The following MCM8 variants were observed in gnomAD, a reference collection of about 807,000 sequenced individuals.
The protein encoded by MCM8 is minichromosome maintenance 8 homologous recombination repair factor.
In MCM8, 85 loss-of-function variants were observed where a neutral mutation model predicts 98.9. The ratio of observed to expected loss-of-function variants is 0.86; its 90% CI spans 0.72 to 1.03. The LOEUF is 1.03. Among genes scored for constraint, MCM8 ranks in the 50% least tolerant of loss-of-function variants. The pLI, the probability that MCM8 is intolerant of heterozygous loss-of-function variation, is 0.00. For missense variants in MCM8, 951 were observed against 997.8 expected (o/e 0.95, Z 0.63); for synonymous variants, 352 against 338.6 (o/e 1.04, Z -0.44).
At chr20:5,985,027 GT>G in intron 15 of MCM8, 27 bp downstream of exon 15, 1 of 1,578,682 alleles carries the variant, frequency 6.3e-7, no homozygotes, top group Non-Finnish European at 8.7e-7. Flanking sequence ...TCCTTATTCA[GT>G]TTGGTTCTGT....
chr20:5,983,141 CCAAAA>C lies in MCM8; in HGVS notation c.1712_1716del (p.Lys571SerfsTer3), dbSNP rs1568593903. 1 of 1,612,024 alleles carries C rather than the reference CCAAAA, an allele frequency of 6.2e-7. No individual in the cohort carries two copies. The highest frequency in any genetic ancestry group is 1.1e-5 in the South Asian group (1 of 90,454). On this transcript the variant is annotated frameshift_variant, in exon 14 of 19. Coordinates refer to ENST00000610722, the MANE Select transcript of MCM8 (RefSeq NM_032485.6). LOFTEE classifies it high-confidence loss of function. Reference sequence around the variant, plus strand: ...CCAGTTGGAGGACATTACAATAAAGCCAAAACAGTTTCTGAGAATTTAAAGTAAGT... The same window carrying C: ...CCAGTTGGAGGACATTACAATAAAGCCAGTTTCTGAGAATTTAAAGTAAGT...
intron 6 of MCM8, among the ~76,000 whole-genome samples, 196 bp downstream of exon 6, chr20:5,957,425 G>A (rs2089016374): frequency 6.6e-6 from 1 of 152,162 alleles, no homozygotes; most frequent in Admixed American, 6.5e-5. Flanking sequence ...TCCTAAATAA[G>A]GAAGAAAATG....
chr20:5,963,021 G>A (rs1295605166), intron 7 of MCM8, among the ~76,000 whole-genome samples: 1 of 152,176 alleles, frequency 6.6e-6, no homozygotes, highest in African/African-American at 2.4e-5. Flanking sequence ...GGCAAGCAAA[G>A]CACCTTGCAT....
Position 5,958,728 on chromosome 20 carries a change from T to G in MCM8, c.789+2T>G. 2.5e-6 allele frequency: 4 copies of G among 1,613,232 alleles called. No homozygotes were observed. Among genetic ancestry groups the G allele is most frequent in the Non-Finnish European group, 3.4e-6 (4 of 1,179,482 alleles). On this transcript the variant is annotated splice_donor_variant, in intron 7 of 18. Coordinates refer to ENST00000610722, the MANE Select transcript of MCM8 (RefSeq NM_032485.6). LOFTEE classifies it high-confidence loss of function. ...GGAAAATACAGTCTTCCCACAAAGG[T>G]AATACGTTCTTTAACTGCTTCTTTA...
Position 5,996,324 on chromosome 20 carries a change from T to C in MCM8, c.*1933T>C, listed in dbSNP as rs547410812. ...AAAGTAGATAGTAGTATAAATATAGTGAAGTCTTTAAAAGCTAGGAGTTAA... is the reference window on the plus strand; with the variant it reads ...AAAGTAGATAGTAGTATAAATATAGCGAAGTCTTTAAAAGCTAGGAGTTAA... On this transcript the variant is annotated 3_prime_UTR_variant, in exon 19 of 19. Transcript: ENST00000610722. The C allele has an allele frequency of 6.8e-6, 1 of 147,796 alleles. No homozygotes were observed. Among genetic ancestry groups the C allele is most frequent in the South Asian group, 2.1e-4 (1 of 4,678 alleles). 9.2% of individuals were successfully genotyped at this position (147,796 alleles called of 1,614,324 possible).
At position 5,993,427 on chromosome 20, in the gene MCM8, T is replaced by C. The variant is rs2089891595; in HGVS notation, c.2241-79T>C. ...CCTTGTGGCTACTTCCAAATTTTTC[T>C]TCTGTAACCTGAAAGCCCAGGACAA... On this transcript the variant is annotated intron_variant, in intron 17 of 18. Transcript: ENST00000610722. 4.1e-6 allele frequency: 5 copies of C among 1,228,062 alleles called. No homozygotes were observed. The South Asian group carries it at 1.0e-4, about 25-fold the overall frequency. The allele number at this position is 1,228,062 out of a possible 1,614,324, so 76.1% of individuals were successfully genotyped here. A position where few individuals can be genotyped will look rare whatever the true frequency, so the allele number is the denominator to read the frequency against.
intron 17 of MCM8, among the ~76,000 whole-genome samples, chr20:5,988,925 A>G (rs1324755284): frequency 1.3e-5 from 2 of 152,144 alleles, no homozygotes; most frequent in Non-Finnish European, 2.9e-5. Flanking sequence ...TAGCTGGAAG[A>G]GCAAGGGCTT....
rs2089012607 is a variant in MCM8, at chr20:5,957,318, A to T, written c.590+89A>T. On this transcript the variant is annotated intron_variant, in intron 6 of 18. Coordinates refer to ENST00000610722, the MANE Select transcript of MCM8 (RefSeq NM_032485.6). Reference sequence around the variant, plus strand: ...AAACGCTCATTTTATAAAAATGAGGAAATCAGTAAAAAGGACATGAGTTCC... The same window carrying T: ...AAACGCTCATTTTATAAAAATGAGGTAATCAGTAAAAAGGACATGAGTTCC... 3.4e-6 allele frequency: 3 copies of T among 874,164 alleles called. No individual in the cohort carries two copies. In the East Asian group the frequency reaches 8.4e-5, roughly 24 times the overall value. The allele number at this position is 874,164 out of a possible 1,614,324, so 54.2% of individuals were successfully genotyped here. A position where few individuals can be genotyped will look rare whatever the true frequency, so the allele number is the denominator to read the frequency against.
rs1279547825 is a variant in MCM8 at position 5,996,205 on chromosome 20, T to G, written c.*1814T>G. ...TAGGAAATCACTTGAGCCCGAGAGT[T>G]TGAGGTTACAGTGAGCTATGATTAT... On this transcript the variant is annotated 3_prime_UTR_variant, in exon 19 of 19. Coordinates refer to ENST00000610722, the MANE Select transcript of MCM8 (RefSeq NM_032485.6). 6.6e-6 allele frequency: 1 copy of G among 152,240 alleles called. No homozygotes were observed. The highest frequency in any genetic ancestry group is 1.5e-5 in the Non-Finnish European group (1 of 68,070). The allele number at this position is 152,240 out of a possible 1,614,324, so 9.4% of individuals were successfully genotyped here. A position where few individuals can be genotyped will look rare whatever the true frequency, so the allele number is the denominator to read the frequency against.
intron 17 of MCM8, chr20:5,991,437 A>G (rs1015415947): frequency 1.1e-4 from 16 of 152,246 alleles, no homozygotes; most frequent in African/African-American, 3.6e-4. Context: ...GGTAAATTTG[A>G]ACAAGTTTCA....
chr20:5,990,840 C>A (rs2089836363), intron 17 of MCM8: 1 of 152,162 alleles, frequency 6.6e-6, no homozygotes, highest in Non-Finnish European at 1.5e-5. Flanking sequence ...TGTTGACTTA[C>A]AGTCTAGAAT....
chr20:5,993,799 T>G (rs2089901881), intron 18 of MCM8, 104 bp downstream of exon 18: 2 of 956,492 alleles, frequency 2.1e-6, no homozygotes, highest in Non-Finnish European at 3.0e-6. Flanking sequence ...CATACCTGCT[T>G]CTTCTCAAAG....
In MCM8 at chr20:5,967,833, C is replaced by G; in HGVS notation, c.1031C>G (p.Ser344Cys). 1 of 1,599,630 alleles carries G rather than the reference C, an allele frequency of 6.3e-7. No homozygotes were observed. The highest frequency in any genetic ancestry group is 8.5e-7 in the Non-Finnish European group (1 of 1,172,830). Residue 344 changes from serine (S) to cysteine (C), a missense_variant, in exon 10 of 19, where the codon TCT (serine) becomes TGT (cysteine). By Grantham distance (112) the Ser-to-Cys change is moderately radical (BLOSUM62 -1). Coordinates refer to ENST00000610722, the MANE Select transcript of MCM8 (RefSeq NM_032485.6). ...IVKVSNAEEG[S>C]RNKNDKCMFL... The stretch of plus-strand genomic sequence containing the variant: ...ATTTAACACTTTTAATTTACAGGTT[C>G]TCGAAATAAGAATGACAAGTGTATG...
chr20:5,960,474 T>C (rs951823305), intron 7 of MCM8, among the ~76,000 whole-genome samples: 13 of 152,308 alleles, frequency 8.5e-5, no homozygotes, highest in Admixed American at 8.5e-4. Context: ...GAGTTCTTTA[T>C]ACATTCTAGA....
At chr20:5,973,519 T>C (rs1356208622) in intron 12 of MCM8, among the ~76,000 whole-genome samples, 1 of 152,240 alleles carries the variant, frequency 6.6e-6, no homozygotes, top group East Asian at 1.9e-4. Flanking sequence ...ATGAACAGAA[T>C]AGTTCAGGGG....
Position 5,985,246 on chromosome 20 carries a change from C to A in MCM8, c.1953+246C>A, listed in dbSNP as rs1278818223. On this transcript the variant is annotated intron_variant, in intron 15 of 18. Transcript: ENST00000610722. ...GGATCATGAGGTCAAGAGATCGAGA[C>A]CATCCTGGCCAACATGATGAAACCC... Among the ~76,000 whole-genome samples, 3 of 152,012 alleles carry A rather than the reference C, an allele frequency of 2.0e-5. No homozygotes were observed. In the East Asian group the frequency reaches 5.8e-4, roughly 29 times the overall value.
In MCM8 at chr20:5,952,036, C is replaced by G; in HGVS notation, c.21C>G (p.Gly7=). 1 of 1,613,774 alleles carries G rather than the reference C, an allele frequency of 6.2e-7. No individual in the cohort carries two copies. Among genetic ancestry groups the G allele is most frequent in the Non-Finnish European group, 8.5e-7 (1 of 1,179,820 alleles). MNGEYR[G]RGFGRGRFQS... is the part of the protein sequence containing the mutation. ...GAGAGATGAATGGAGAGTATAGAGGCAGAGGATTTGGACGAGGAAGATTTC... is the reference window on the plus strand; with the variant it reads ...GAGAGATGAATGGAGAGTATAGAGGGAGAGGATTTGGACGAGGAAGATTTC... Residue 7 remains glycine, a synonymous_variant, in exon 2 of 19, where the codon GGC becomes GGG. Transcript: ENST00000610722.
intron 8 of MCM8, 80 bp from the exon 9 acceptor site, chr20:5,967,356 A>C: frequency 1.6e-6 from 2 of 1,266,588 alleles, no homozygotes; most frequent in South Asian, 1.6e-5. Context: ...CCTCAGCATC[A>C]TGTGAACCCT....
At chr20:5,970,925 C>T (rs984946451) in intron 10 of MCM8, among the ~76,000 whole-genome samples, 12 of 152,174 alleles carry the variant, frequency 7.9e-5, no homozygotes, top group African/African-American at 2.7e-4. Flanking sequence ...TCTCCCACCT[C>T]AGCCTCACAA....
Sources: allele counts gnomAD v4.1 joint callset (sites outside exome capture counted in the v4.1 genomes callset), GRCh38; gene constraint gnomAD v4.1.1; transcripts MANE v1.5; gene names NCBI Gene and HGNC (gene_info 2026-07-23, HGNC 2026-07-21).